LRP1B: variants seen among roughly 807,000 people sequenced by gnomAD.
LRP1B encodes low-density lipoprotein receptor-related protein 1B.
Under a neutral mutation model 556.6 loss-of-function variants are expected in LRP1B, and 217 were observed. That is an observed-to-expected ratio of 0.39 (90% CI 0.35 to 0.44). LRP1B has a LOEUF of 0.44. LRP1B is among the 20% of genes least tolerant of loss of function. The pLI, the probability that LRP1B is intolerant of heterozygous loss-of-function variation, is 1.00. For synonymous variants in LRP1B, 2,047 were observed against 1,865.8 expected, an observed-to-expected ratio of 1.10 and a Z score of -2.50; for missense variants, 5,053 against 5,620.8, an observed-to-expected ratio of 0.90 and a Z score of 3.23.
chr2:140,297,935 A>G lies in LRP1B; in HGVS notation c.12840T>C (p.Thr4280=). Residue 4280 remains threonine, a synonymous_variant, in exon 84 of 91, where the codon ACT becomes ACC. Transcript: ENST00000389484. ...AGACTGTCTTACCACAGTTTGGCCCAGTGAAACCCAGTGCACAGCTGCAGG... is the reference window on the plus strand; with the variant it reads ...AGACTGTCTTACCACAGTTTGGCCCGGTGAAACCCAGTGCACAGCTGCAGG... ...RPTCSCALGF[T]GPNCGKTVCE... 5 of 1,613,442 alleles carry G rather than the reference A, an allele frequency of 3.1e-6. No homozygotes were observed. The highest frequency in any genetic ancestry group is 1.3e-5 in the African/African-American group (1 of 75,030).
intron 1 of LRP1B, among the ~76,000 whole-genome samples, chr2:141,820,660 T>C (rs527724534): frequency 1.3e-5 from 2 of 152,338 alleles, no homozygotes; most frequent in African/African-American, 4.8e-5. Flanking sequence ...AGAAACTTAC[T>C]CTACAGACAT....
At chr2:141,290,149 G>A (rs570792989) in intron 3 of LRP1B, among the ~76,000 whole-genome samples, 91 of 152,198 alleles carry the variant, frequency 6.0e-4, no homozygotes, top group Admixed American at 1.2e-3. Context: ...AAACACAGAA[G>A]AGAAAGGATA....
chr2:141,291,594 C>T (rs1446705563), intron 3 of LRP1B, among the ~76,000 whole-genome samples: 2 of 152,146 alleles, frequency 1.3e-5, no homozygotes, highest in South Asian at 2.1e-4. Context: ...CGGTGGCTCA[C>T]GCCTGTAATC....
In LRP1B at chr2:140,440,066, AACAAACT is replaced by A. The variant is rs549001968; in HGVS notation, c.10414+2431_10414+2437del. ...TTTAAATTAGAATATGTCAAGGTAG[AACAAACT>A]ACAATGTTCGGACTTTAGAAATGAA... On this transcript the variant is annotated intron_variant, in intron 66 of 90. Coordinates refer to ENST00000389484, the MANE Select transcript of LRP1B (RefSeq NM_018557.3). Among the ~76,000 whole-genome samples, 300 of 152,306 alleles carry A rather than the reference AACAAACT, an allele frequency of 2.0e-3. 2 individuals are homozygous for A. Among genetic ancestry groups the A allele is most frequent in the Admixed American group, 4.0e-3 (61 of 15,272 alleles).
chr2:140,520,249 T>G (rs558653486), intron 49 of LRP1B, among the ~76,000 whole-genome samples: 23 of 152,182 alleles, frequency 1.5e-4, no homozygotes, highest in African/African-American at 5.5e-4. Flanking sequence ...AATGTGCACA[T>G]GTACACCATG....
chr2:142,019,415 T>C (rs192578480), intron 1 of LRP1B, among the ~76,000 whole-genome samples: 15 of 152,280 alleles, frequency 9.9e-5, no homozygotes, highest in Non-Finnish European at 2.1e-4. Context: ...TCTCAGAAAA[T>C]TGTGTGGGCC....
chr2:141,298,286 G>A (rs576418090), intron 3 of LRP1B, among the ~76,000 whole-genome samples: 3 of 152,280 alleles, frequency 2.0e-5, no homozygotes, highest in South Asian at 2.1e-4. Flanking sequence ...GCTTTTGGGA[G>A]GTACTATATG....
intron 1 of LRP1B, among the ~76,000 whole-genome samples, chr2:141,826,077 A>G (rs1054482143): frequency 6.6e-6 from 1 of 152,138 alleles, no homozygotes; most frequent in Non-Finnish European, 1.5e-5. Flanking sequence ...ATAAGAACAT[A>G]GAAGACAATC....
chr2:140,776,257 T>C lies in LRP1B; in HGVS notation c.5360-19A>G, dbSNP rs1689495120. On this transcript the variant is annotated intron_variant, in intron 32 of 90. Transcript: ENST00000389484. Reference sequence around the variant, plus strand: ...TTCTTATCTAGAAAAAGGAAAGATATTTTTTAAAGGAAAGTATAATTATCT... The same window carrying C: ...TTCTTATCTAGAAAAAGGAAAGATACTTTTTAAAGGAAAGTATAATTATCT... The C allele has an allele frequency of 4.6e-6, 7 of 1,535,130 alleles. No homozygotes were observed. Among genetic ancestry groups the C allele is most frequent in the African/African-American group, 1.4e-5 (1 of 70,662 alleles).
chr2:140,915,589 T>C (rs532746104), intron 21 of LRP1B, among the ~76,000 whole-genome samples: 1 of 151,096 alleles, frequency 6.6e-6, no homozygotes, highest in Non-Finnish European at 1.5e-5. Flanking sequence ...GGGTTGGAGG[T>C]TGCAGTGAGC....
chr2:140,391,122 ATAACTAT>A (rs759858659), intron 66 of LRP1B, among the ~76,000 whole-genome samples: 46 of 152,152 alleles, frequency 3.0e-4, no homozygotes, highest in Non-Finnish European at 5.0e-4. Flanking sequence ...CAAACTTATC[ATAACTAT>A]TAACTACTAA....
At chr2:141,591,089 G>A (rs1356378635) in intron 2 of LRP1B, among the ~76,000 whole-genome samples, 1 of 152,146 alleles carries the variant, frequency 6.6e-6, no homozygotes, top group Non-Finnish European at 1.5e-5. Flanking sequence ...ATTTAGCGGT[G>A]ATACTCTCAG....
chr2:141,374,621 C>T (rs1432630343), intron 3 of LRP1B, among the ~76,000 whole-genome samples: 1 of 152,050 alleles, frequency 6.6e-6, no homozygotes, highest in Non-Finnish European at 1.5e-5. Context: ...AAGGACACAT[C>T]TTCAAGTTAT....
intron 27 of LRP1B, among the ~76,000 whole-genome samples, 160 bp from the exon 28 acceptor site, chr2:140,851,943 C>T (rs988350145): frequency 6.6e-6 from 1 of 152,160 alleles, no homozygotes; most frequent in African/African-American, 2.4e-5. Context: ...CAATCATACA[C>T]AGCAATTACA....
At chr2:141,834,272 T>C (rs1697198024) in intron 1 of LRP1B, among the ~76,000 whole-genome samples, 1 of 151,812 alleles carries the variant, frequency 6.6e-6, no homozygotes, top group Non-Finnish European at 1.5e-5. Flanking sequence ...TAATGAACAC[T>C]TCGGAGAATG....
At chr2:141,529,351 G>A (rs190080952) in intron 2 of LRP1B, among the ~76,000 whole-genome samples, 15 of 152,298 alleles carry the variant, frequency 9.8e-5, no homozygotes, top group African/African-American at 3.4e-4. Context: ...GAAAGATATG[G>A]TCTTTGCCCT....
At chr2:140,980,450 G>T (rs550035659) in intron 18 of LRP1B, among the ~76,000 whole-genome samples, 2 of 152,100 alleles carry the variant, frequency 1.3e-5, no homozygotes, top group African/African-American at 4.8e-5. Flanking sequence ...TATTATATAC[G>T]TAAAATATTC....
intron 2 of LRP1B, among the ~76,000 whole-genome samples, chr2:141,726,332 T>C (rs1036203891): frequency 1.3e-5 from 2 of 151,744 alleles, no homozygotes; most frequent in Non-Finnish European, 2.9e-5. Flanking sequence ...AAAAAAATTA[T>C]TTTGATTTTC....
At chr2:142,104,483 C>T (rs1706679284) in intron 1 of LRP1B, among the ~76,000 whole-genome samples, 1 of 152,084 alleles carries the variant, frequency 6.6e-6, no homozygotes, top group Admixed American at 6.6e-5. Context: ...GAAACCAATG[C>T]TCCAAATAGT....
Sources: gnomAD v4.1 joint callset for allele counts (sites outside exome capture counted in the v4.1 genomes callset) on GRCh38, gnomAD v4.1.1 for gene constraint, MANE v1.5 for transcripts, NCBI Gene and HGNC (gene_info 2026-07-23, HGNC 2026-07-21) for gene names.